The following IL1RAP variants were observed in gnomAD, a reference collection of about 807,000 sequenced individuals.
IL1RAP encodes the protein interleukin 1 receptor accessory protein.
Under a neutral mutation model 60.7 loss-of-function variants are expected in IL1RAP, and 35 were observed. That is an observed-to-expected ratio of 0.58 (90% CI 0.44 to 0.76). The LOEUF (loss-of-function observed/expected upper bound fraction) is 0.76. Among genes scored for constraint, IL1RAP ranks in the 30% least tolerant of loss-of-function variants. IL1RAP has a pLI of 0.00. For missense variants in IL1RAP, 572 were observed against 693.9 expected (o/e 0.82, Z 1.97); for synonymous variants, 268 against 250.9 (o/e 1.07, Z -0.64).
chr3:190,575,936 T>C (rs1398102764), intron 3 of IL1RAP, among the ~76,000 whole-genome samples: 3 of 152,082 alleles, frequency 2.0e-5, no homozygotes, highest in Admixed American at 6.6e-5. Flanking sequence ...GAGGCCAAAA[T>C]TGAAGTGAAA....
intron 3 of IL1RAP, among the ~76,000 whole-genome samples, chr3:190,565,880 C>G (rs1183101469): frequency 6.6e-6 from 1 of 152,118 alleles, no homozygotes; most frequent in Non-Finnish European, 1.5e-5. Context: ...CCCTACCAGT[C>G]ACTCTCTCTC....
At position 190,620,314 on chromosome 3, in the gene IL1RAP, G is replaced by A. The variant is rs751690679; in HGVS notation, c.577G>A (p.Glu193Lys). 17 of 1,586,764 alleles carry A rather than the reference G, an allele frequency of 1.1e-5. 1 individual carries two copies. The highest frequency in any genetic ancestry group is 9.0e-5 in the East Asian group (4 of 44,584). Residue 193 changes from glutamate to lysine, a missense_variant, in exon 6 of 12, where the codon GAA (glutamate) becomes AAA (lysine). Physicochemically the swap from Glu to Lys is moderately conservative, Grantham distance 56. Coordinates refer to ENST00000447382, the MANE Select transcript of IL1RAP (RefSeq NM_002182.4). ...KIQNFNNVIPEGMNLSFLIAL... is the reference protein window; with the variant it reads ...KIQNFNNVIPKGMNLSFLIAL... ...ACAGAATTTTAATAATGTAATACCC[G>A]AAGGTATGAACTTGAGTTTCCTCAT... is the stretch of plus-strand genomic sequence containing the variant.
chr3:190,592,527 A>G (rs1729031022), intron 3 of IL1RAP, among the ~76,000 whole-genome samples: 1 of 152,216 alleles, frequency 6.6e-6, no homozygotes, highest in South Asian at 2.1e-4. Flanking sequence ...CAGCTTCGTT[A>G]GACCAGGAAG....
At chr3:190,557,193 G>A (rs1020435633) in intron 2 of IL1RAP, among the ~76,000 whole-genome samples, 1 of 152,120 alleles carries the variant, frequency 6.6e-6, no homozygotes, top group Non-Finnish European at 1.5e-5. Context: ...GTATCACACA[G>A]TCAAACAAAC....
intron 3 of IL1RAP, among the ~76,000 whole-genome samples, chr3:190,573,199 G>T (rs1358786338): frequency 6.6e-6 from 1 of 152,176 alleles, no homozygotes; most frequent in Non-Finnish European, 1.5e-5. Flanking sequence ...GTACAGCAGA[G>T]ATGGTGGAGA....
chr3:190,622,393 T>C (rs1056806725), intron 6 of IL1RAP, among the ~76,000 whole-genome samples: 1 of 152,216 alleles, frequency 6.6e-6, no homozygotes, highest in South Asian at 2.1e-4. Flanking sequence ...TCCTAAAGTT[T>C]AATTCAATTT....
rs1444312879 is a variant in IL1RAP at position 190,629,440 on chromosome 3, C to T, written c.993C>T (p.Val331=). The change falls in exon 9 of 12, where the codon GTC becomes GTT. Residue 331 remains valine (V), a synonymous_variant. Transcript: ENST00000447382. ...VTSEDLKRSY[V]CHARSAKGEV... ...CTGAGGATCTCAAGCGCAGCTATGT[C>T]TGTCATGCTAGAAGTGCCAAAGGCG... 1 of 1,613,746 alleles carries T rather than the reference C, an allele frequency of 6.2e-7. No homozygotes were observed. Among genetic ancestry groups the T allele is most frequent in the South Asian group, 1.1e-5 (1 of 91,032 alleles).
chr3:190,602,968 A>T (rs1248557781), intron 3 of IL1RAP, among the ~76,000 whole-genome samples: 1 of 152,128 alleles, frequency 6.6e-6, no homozygotes, highest in African/African-American at 2.4e-5. Context: ...TTCAGATATC[A>T]CTCTAAAGAA....
intron 1 of IL1RAP, among the ~76,000 whole-genome samples, chr3:190,540,785 A>G (rs1723864881): frequency 6.6e-6 from 1 of 152,150 alleles, no homozygotes; most frequent in Non-Finnish European, 1.5e-5. Context: ...TTTATTCTTA[A>G]ACAAGCATTA....
At chr3:190,594,550 C>T (rs933172729) in intron 3 of IL1RAP, among the ~76,000 whole-genome samples, 2 of 152,170 alleles carry the variant, frequency 1.3e-5, no homozygotes, top group Non-Finnish European at 1.5e-5. Context: ...TGGGATCTAC[C>T]ATATGACAAA....
chr3:190,592,046 A>C (rs771585990), intron 3 of IL1RAP, among the ~76,000 whole-genome samples: 2 of 152,142 alleles, frequency 1.3e-5, no homozygotes, highest in African/African-American at 2.4e-5. Context: ...TTGAGATGGA[A>C]TCTCGCTCTG....
chr3:190,605,830 A>G (rs1052441426), intron 4 of IL1RAP, among the ~76,000 whole-genome samples: 2 of 152,154 alleles, frequency 1.3e-5, no homozygotes, highest in South Asian at 2.1e-4. Context: ...ATGTCTTTAA[A>G]TGTTCTGTTT....
At chr3:190,614,540 T>C (rs1410482014) in intron 5 of IL1RAP, among the ~76,000 whole-genome samples, 4 of 152,104 alleles carry the variant, frequency 2.6e-5, no homozygotes, top group Non-Finnish European at 2.9e-5. Context: ...TTTACTTAAT[T>C]CTGTCAACAT....
At chr3:190,625,863 G>A (rs1732218427) in intron 7 of IL1RAP, among the ~76,000 whole-genome samples, 1 of 152,142 alleles carries the variant, frequency 6.6e-6, no homozygotes, top group African/African-American at 2.4e-5. Context: ...TTGTCTACCT[G>A]TCAAACTATG....
chr3:190,564,618 G>A (rs1214839291), intron 3 of IL1RAP: 1 of 415,098 alleles, frequency 2.4e-6, no homozygotes, highest in Non-Finnish European at 4.4e-6. Context: ...TTCACACTCA[G>A]CCAACTAGAA....
At chr3:190,615,849 G>A (rs1395408239) in intron 5 of IL1RAP, among the ~76,000 whole-genome samples, 3 of 152,172 alleles carry the variant, frequency 2.0e-5, no homozygotes, top group Admixed American at 2.0e-4. Context: ...TTGGCATAGA[G>A]ATATTGTTGA....
At chr3:190,580,097 G>A (rs1727858691) in intron 3 of IL1RAP, among the ~76,000 whole-genome samples, 1 of 152,166 alleles carries the variant, frequency 6.6e-6, no homozygotes, top group Non-Finnish European at 1.5e-5. Context: ...ATAGCTGTAA[G>A]TTGAATTACT....
At chr3:190,626,881 G>T (rs1732328967) in intron 7 of IL1RAP, among the ~76,000 whole-genome samples, 1 of 151,960 alleles carries the variant, frequency 6.6e-6, no homozygotes, top group Non-Finnish European at 1.5e-5. Flanking sequence ...TGTTGGCCAG[G>T]CTGGTCTTGA....
intron 3 of IL1RAP, among the ~76,000 whole-genome samples, chr3:190,590,179 T>G (rs964872720): frequency 6.6e-6 from 1 of 152,178 alleles, no homozygotes; most frequent in South Asian, 2.1e-4. Context: ...TGGCACTGAT[T>G]AACTTCATAT....
Sources: allele counts gnomAD v4.1 joint callset (sites outside exome capture counted in the v4.1 genomes callset), GRCh38; gene constraint gnomAD v4.1.1; transcripts MANE v1.5; gene names NCBI Gene and HGNC (gene_info 2026-07-23, HGNC 2026-07-21).